EPG5: variants seen among roughly 807,000 people sequenced by gnomAD.
The protein encoded by EPG5 is ectopic P granules protein 5 homolog.
Under a neutral mutation model 302.7 loss-of-function variants are expected in EPG5, and 159 were observed. The observed-to-expected ratio is 0.53, with a 90% CI of 0.46 to 0.60. The LOEUF (loss-of-function observed/expected upper bound fraction) is 0.60. Ranked by LOEUF, EPG5 falls within the 20% of genes least tolerant of loss-of-function variation. EPG5 has a pLI of 0.00. For missense variants in EPG5, 2,896 were observed against 3,092.4 expected (o/e 0.94, Z 1.51); for synonymous variants, 1,158 against 1,136.8 (o/e 1.02, Z -0.37).
At chr18:45,940,186 A>G (rs1366559081) in intron 9 of EPG5, among the ~76,000 whole-genome samples, 17 of 152,218 alleles carry the variant, frequency 1.1e-4, no homozygotes, top group Admixed American at 1.1e-3. Context: ...ACGTAGAAGA[A>G]ACAGCCAATG....
intron 1 of EPG5, among the ~76,000 whole-genome samples, chr18:45,958,196 T>C (rs1432134239): frequency 1.3e-5 from 2 of 152,236 alleles, no homozygotes; most frequent in Non-Finnish European, 2.9e-5. Flanking sequence ...ACTTAATTTA[T>C]TTAAATGGAA....
intron 10 of EPG5, 130 bp from the exon 11 acceptor site, chr18:45,935,096 A>AT (rs1341809488): frequency 1.1e-6 from 1 of 941,852 alleles, no homozygotes; most frequent in African/African-American, 1.7e-5. Flanking sequence ...TGCTTTAGTC[A>AT]TAAACACCTC....
chr18:45,829,729 A>G, the EPG5 span, among the ~76,000 whole-genome samples: 1 of 152,094 alleles, frequency 6.6e-6, no homozygotes, highest in African/African-American at 2.4e-5. Flanking sequence ...TCAGCTGGTA[A>G]TGTCAGCCAT....
the EPG5 span, chr18:45,838,706 T>A: frequency 1.9e-6 from 3 of 1,561,224 alleles, no homozygotes; most frequent in Non-Finnish European, 1.7e-6. Context: ...TCACCCGCCT[T>A]CTCCCCTGCA....
intron 7 of EPG5, among the ~76,000 whole-genome samples, chr18:45,945,644 A>C (rs79704241): frequency 0.02 from 2,976 of 152,248 alleles, 50 homozygotes; most frequent in Middle Eastern, 0.054. Flanking sequence ...TACCAGAAAA[A>C]AAGACTTCTC....
At chr18:45,872,504 G>A (rs914963194) in intron 35 of EPG5, among the ~76,000 whole-genome samples, 1 of 152,176 alleles carries the variant, frequency 6.6e-6, no homozygotes, top group Non-Finnish European at 1.5e-5. Context: ...AGGAGTTCGA[G>A]ACTAACCTGG....
At chr18:45,934,252 C>T (rs772572661) in intron 11 of EPG5, among the ~76,000 whole-genome samples, 32 of 151,954 alleles carry the variant, frequency 2.1e-4, no homozygotes, top group South Asian at 1.2e-3. Context: ...GCACACCACT[C>T]CACTCCAACC....
At chr18:45,828,550 C>T in the EPG5 span, among the ~76,000 whole-genome samples, 1 of 152,298 alleles carries the variant, frequency 6.6e-6, no homozygotes, top group East Asian at 1.9e-4. Flanking sequence ...GATATCACAA[C>T]CACAACCACT....
In EPG5 at chr18:45,910,512, C is replaced by T. The variant is rs769965368; in HGVS notation, c.4205+9G>A. The T allele has an allele frequency of 5.7e-6, 9 of 1,582,746 alleles. No individual in the cohort carries two copies. In the East Asian group the frequency reaches 9.0e-5, roughly 16 times the overall value. ...ACAACAATGTAGGTGGCTAAATAAC[C>T]ATACTCACCTCACCAGCTCCTTGTG... On this transcript the variant is annotated intron_variant, in intron 23 of 43. Transcript: ENST00000282041.
rs577664505 is a variant in EPG5, at chr18:45,872,242, A to G, written c.6050-1500T>C. On this transcript the variant is annotated intron_variant, in intron 35 of 43. Transcript: ENST00000282041. ...ACTCAATATTATCCTCACAAGTATC[A>G]ATTCCATTAATGCCTTCAAGGGCTA... Among the ~76,000 whole-genome samples, 12 of 152,332 alleles carry G rather than the reference A, an allele frequency of 7.9e-5. No individual in the cohort carries two copies. The East Asian group carries it at 2.3e-3, about 29-fold the overall frequency.
Position 45,878,973 on chromosome 18 carries a change from T to C in EPG5, c.5869+40A>G, listed in dbSNP as rs2145392169. On this transcript the variant is annotated intron_variant, in intron 33 of 43. Coordinates refer to ENST00000282041, the MANE Select transcript of EPG5 (RefSeq NM_020964.3). ...TATTTAAATCTCTCTTAATGGAAAG[T>C]CCAAACACCTAGCTCCACATCGCAT... The C allele has an allele frequency of 2.6e-6, 4 of 1,543,616 alleles. 1 individual carries two copies. In the Middle Eastern group the frequency reaches 5.1e-4, roughly 196 times the overall value.
intron 35 of EPG5, among the ~76,000 whole-genome samples, chr18:45,872,381 G>C (rs1347822390): frequency 6.6e-6 from 1 of 152,208 alleles, no homozygotes; most frequent in Non-Finnish European, 1.5e-5. Context: ...ACAGAAACCT[G>C]ATGGTTTCTC....
At chr18:45,950,950 A>T in intron 4 of EPG5, 152 bp downstream of exon 4, 1 of 490,784 alleles carries the variant, frequency 2.0e-6, no homozygotes, top group Non-Finnish European at 3.3e-6. Flanking sequence ...ATAACTTACT[A>T]CCATGTATCA....
At chr18:45,938,383 A>G (rs2050584827) in intron 10 of EPG5, among the ~76,000 whole-genome samples, 1 of 150,476 alleles carries the variant, frequency 6.6e-6, no homozygotes, top group African/African-American at 2.5e-5. Flanking sequence ...AGTTGCTTGA[A>G]CCCAGGACAC....
At chr18:45,956,124 T>G (rs1408572760) in intron 1 of EPG5, among the ~76,000 whole-genome samples, 2 of 152,230 alleles carry the variant, frequency 1.3e-5, no homozygotes, top group Admixed American at 1.3e-4. Flanking sequence ...GATAATGCCT[T>G]AACCAAATGA....
intron 27 of EPG5, among the ~76,000 whole-genome samples, chr18:45,891,255 T>C (rs1341591606): frequency 1.3e-5 from 2 of 151,636 alleles, no homozygotes; most frequent in Non-Finnish European, 2.9e-5. Flanking sequence ...TCCCAGCACT[T>C]TGGGAGGCCG....
At chr18:45,819,105 T>C in the EPG5 span, among the ~76,000 whole-genome samples, 7 of 152,242 alleles carry the variant, frequency 4.6e-5, no homozygotes, top group Non-Finnish European at 8.8e-5. Flanking sequence ...TTATGGTTTC[T>C]GGGATTTTTT....
intron 10 of EPG5, among the ~76,000 whole-genome samples, chr18:45,936,620 C>T (rs547321374): frequency 6.7e-6 from 1 of 148,252 alleles, no homozygotes; most frequent in Non-Finnish European, 1.5e-5. Context: ...CTCAGCTACT[C>T]GGGAGGCTGA....
At chr18:45,936,468 C>G (rs1436129928) in intron 10 of EPG5, among the ~76,000 whole-genome samples, 1 of 152,228 alleles carries the variant, frequency 6.6e-6, no homozygotes, top group Non-Finnish European at 1.5e-5. Context: ...TGGCTCACGC[C>G]TGTAATCCCA....
Sources: allele counts gnomAD v4.1 joint callset (sites outside exome capture counted in the v4.1 genomes callset), GRCh38; gene constraint gnomAD v4.1.1; transcripts MANE v1.5; gene names NCBI Gene and HGNC (gene_info 2026-07-23, HGNC 2026-07-21).